The following CPM variants were observed in gnomAD, a reference collection of about 807,000 sequenced individuals.
CPM encodes the protein carboxypeptidase M.
A neutral mutation model predicts 46.4 loss-of-function variants in CPM; 35 were observed. The observed-to-expected ratio is 0.75, with a 90% CI of 0.58 to 1.00. The LOEUF (loss-of-function observed/expected upper bound fraction) is 1.00. Among genes scored for constraint, CPM ranks in the 50% least tolerant of loss-of-function variants. CPM has a pLI of 0.00. For synonymous variants in CPM, 195 were observed against 195.3 expected, an observed-to-expected ratio of 1.00 and a Z score of 0.01; for missense variants, 422 against 530.4, an observed-to-expected ratio of 0.80 and a Z score of 2.01.
At chr12:68,859,626 C>A (rs1885123167) in intron 7 of CPM, among the ~76,000 whole-genome samples, 2 of 152,254 alleles carry the variant, frequency 1.3e-5, no homozygotes, top group African/African-American at 4.8e-5. Flanking sequence ...GTACTAACTA[C>A]CAAATGAGCA....
chr12:68,893,855 G>T (rs75102499), intron 2 of CPM, among the ~76,000 whole-genome samples: 7,780 of 152,222 alleles, frequency 0.051, 273 homozygotes, highest in Non-Finnish European at 0.078. Context: ...GTCCCCAGGG[G>T]TTCTGCGTGG....
downstream of CPM, chr12:68,846,296 A>G (rs1884293885): frequency 6.6e-6 from 1 of 152,228 alleles, no homozygotes; most frequent in South Asian, 2.1e-4. Flanking sequence ...CATGTTGCCC[A>G]GGCTGGTCTC....
intron 2 of CPM, chr12:68,913,778 C>T (rs980019857): frequency 3.5e-5 from 19 of 548,234 alleles, no homozygotes; most frequent in East Asian, 1.2e-4. Flanking sequence ...AAATCCCATG[C>T]GGAAACCCAG....
At chr12:68,900,684 C>T (rs1027339549) in intron 2 of CPM, among the ~76,000 whole-genome samples, 12 of 152,016 alleles carry the variant, frequency 7.9e-5, no homozygotes, top group African/African-American at 1.9e-4. Context: ...CAATGGAATA[C>T]GAGTCAGTGT....
chr12:68,944,991 C>T (rs1175753876), intron 1 of CPM, among the ~76,000 whole-genome samples: 1 of 151,780 alleles, frequency 6.6e-6, no homozygotes, highest in Non-Finnish European at 1.5e-5. Context: ...CAGTTGATGG[C>T]CAGAATACAA....
At chr12:68,918,873 T>C (rs1887922405) in intron 2 of CPM, among the ~76,000 whole-genome samples, 1 of 152,198 alleles carries the variant, frequency 6.6e-6, no homozygotes, top group Non-Finnish European at 1.5e-5. Flanking sequence ...ATTGCATCAC[T>C]CTCTTCTTAA....
intron 1 of CPM, among the ~76,000 whole-genome samples, chr12:68,939,190 T>C (rs1228589001): frequency 6.8e-6 from 1 of 146,208 alleles, no homozygotes; most frequent in African/African-American, 2.5e-5. Context: ...TATGTATATA[T>C]GTATGTACAT....
At chr12:68,892,386 C>T (rs181300572) in intron 2 of CPM, among the ~76,000 whole-genome samples, 50 of 152,228 alleles carry the variant, frequency 3.3e-4, no homozygotes, top group African/African-American at 1.2e-3. Context: ...TGTTTGCTGC[C>T]TTGGTTTTAT....
intron 2 of CPM, among the ~76,000 whole-genome samples, chr12:68,911,410 T>C (rs1046358364): frequency 2.0e-5 from 3 of 152,218 alleles, no homozygotes; most frequent in Admixed American, 1.3e-4. Context: ...CAGTCCTGAA[T>C]CTACCAGGTA....
At chr12:68,847,459 T>TTTTTTTTC (rs1884405145), downstream of CPM, 1 of 119,390 alleles carries the variant, frequency 8.4e-6, no homozygotes, top group Non-Finnish European at 1.7e-5. Context: ...TTTCTTTTTT[T>TTTTTTTTC]TTTTTTTTTT....
At chr12:68,899,629 A>G (rs1369492045) in intron 2 of CPM, among the ~76,000 whole-genome samples, 1 of 152,214 alleles carries the variant, frequency 6.6e-6, no homozygotes, top group Non-Finnish European at 1.5e-5. Flanking sequence ...GAATCAACCA[A>G]TGACATAAAA....
intron 2 of CPM, chr12:68,914,015 C>T (rs964621381): frequency 5.5e-5 from 39 of 713,838 alleles, no homozygotes; most frequent in Admixed American, 8.9e-5. Context: ...TCAAGGACTG[C>T]GGCCTCTTCA....
chr12:68,876,752 G>T (rs536428785), intron 3 of CPM, among the ~76,000 whole-genome samples: 3 of 152,168 alleles, frequency 2.0e-5, no homozygotes, highest in Non-Finnish European at 4.4e-5. Flanking sequence ...ATTCAGTCAA[G>T]TTGGAATTTG....
chr12:68,917,674 G>A (rs1201248538), intron 2 of CPM, among the ~76,000 whole-genome samples: 1 of 152,156 alleles, frequency 6.6e-6, no homozygotes, highest in Non-Finnish European at 1.5e-5. Flanking sequence ...TTATTTTTGT[G>A]CCCTCAAGGC....
rs1214388744 is a variant in CPM at position 68,855,519 on chromosome 12, T to G, written c.*918A>C. 6.6e-6 allele frequency: 1 copy of G among 152,126 alleles called. No individual in the cohort carries two copies. Among genetic ancestry groups the G allele is most frequent in the Non-Finnish European group, 1.5e-5 (1 of 68,070 alleles). 9.4% of individuals were successfully genotyped at this position (152,126 alleles called of 1,614,324 possible). On this transcript the variant is annotated 3_prime_UTR_variant, in exon 9 of 9. Transcript: ENST00000551568. ...GGCTTTCTTAATTGACCTGTATGCT[T>G]TGAAGCTCTATAGAGACACAATCTT...
chr12:68,911,043 G>T (rs1887575036), intron 2 of CPM, among the ~76,000 whole-genome samples: 1 of 152,144 alleles, frequency 6.6e-6, no homozygotes, highest in Non-Finnish European at 1.5e-5. Context: ...TTAAAGTGAA[G>T]GATGATTTGC....
At chr12:68,871,304 G>A (rs998208452) in intron 4 of CPM, among the ~76,000 whole-genome samples, 15 of 152,210 alleles carry the variant, frequency 9.9e-5, no homozygotes, top group Non-Finnish European at 1.8e-4. Flanking sequence ...GTAGCTTGCA[G>A]TGTAGTGGGG....
At chr12:68,954,211 C>CT (rs1305786509) in intron 1 of CPM, among the ~76,000 whole-genome samples, 4 of 152,088 alleles carry the variant, frequency 2.6e-5, no homozygotes, top group African/African-American at 9.7e-5. Context: ...TAAATAAAAA[C>CT]TTTTAAGAAC....
intron 3 of CPM, 40 bp downstream of exon 3, chr12:68,885,752 T>A (rs1484448308): frequency 6.6e-7 from 1 of 1,523,952 alleles, no homozygotes; most frequent in African/African-American, 1.4e-5. Flanking sequence ...TAGGGGAAGC[T>A]TCTCTGGTGA....
Sources: gnomAD v4.1 joint callset for allele counts (sites outside exome capture counted in the v4.1 genomes callset) on GRCh38, gnomAD v4.1.1 for gene constraint, MANE v1.5 for transcripts, NCBI Gene and HGNC (gene_info 2026-07-23, HGNC 2026-07-21) for gene names.